The following ZNF804B variants were observed in gnomAD, a reference collection of about 807,000 sequenced individuals.
ZNF804B encodes zinc finger protein 804B.
Under a neutral mutation model 101.4 loss-of-function variants are expected in ZNF804B, and 80 were observed. The ratio of observed to expected loss-of-function variants is 0.79; its 90% confidence interval spans 0.66 to 0.95. The LOEUF (loss-of-function observed/expected upper bound fraction) is 0.95, where lower values mean the gene tolerates loss of function less well. Ranked by LOEUF, ZNF804B falls within the 40% of genes least tolerant of loss-of-function variation. ZNF804B has a pLI of 0.00. For missense variants in ZNF804B, 1,673 were observed against 1,561.9 expected, an observed-to-expected ratio of 1.07 and a Z score of -1.20; for synonymous variants, 622 against 558.8, an observed-to-expected ratio of 1.11 and a Z score of -1.59.
At chr7:88,965,200 G>C (rs1562845574) in intron 1 of ZNF804B, among the ~76,000 whole-genome samples, 2 of 151,344 alleles carry the variant, frequency 1.3e-5, no homozygotes, top group Non-Finnish European at 1.5e-5. Flanking sequence ...CCTTGACTTA[G>C]TACCTTCTTT....
Position 88,817,944 on chromosome 7 carries a change from A to G in ZNF804B, c.108+57860A>G, listed in dbSNP as rs147858602. ...GTGGGGAGTTGCTATTGTAACCTAT[A>G]ATCTGCAGCCCAGCATTCCTTTTTT... On this transcript the variant is annotated intron_variant, in intron 1 of 3. Transcript: ENST00000333190. Among the ~76,000 whole-genome samples the G allele has an allele frequency of 5.6e-3, 859 of 152,236 alleles. 5 individuals are homozygous for G. Among genetic ancestry groups the G allele is most frequent in the African/African-American group, 0.02 (821 of 41,530 alleles).
chr7:88,795,023 G>A, intron 1 of ZNF804B: 1 of 1,172,484 alleles, frequency 8.5e-7, no homozygotes, highest in Non-Finnish European at 1.2e-6. Context: ...CCTCTTTACT[G>A]ATGAACTCGT....
At chr7:88,809,504 T>A (rs1470662501) in intron 1 of ZNF804B, among the ~76,000 whole-genome samples, 1 of 152,188 alleles carries the variant, frequency 6.6e-6, no homozygotes, top group Admixed American at 6.5e-5. Context: ...GAAGGATTTT[T>A]AAAAATTGGG....
At chr7:89,016,603 C>T (rs1027880126) in intron 1 of ZNF804B, among the ~76,000 whole-genome samples, 2 of 149,570 alleles carry the variant, frequency 1.3e-5, no homozygotes, top group African/African-American at 2.5e-5. Flanking sequence ...GAATCCTTTC[C>T]CCATTGCTTG....
intron 2 of ZNF804B, among the ~76,000 whole-genome samples, chr7:89,270,905 T>C (rs1170917494): frequency 6.6e-6 from 1 of 152,124 alleles, no homozygotes; most frequent in Non-Finnish European, 1.5e-5. Context: ...GTGAATTTTG[T>C]ACATTGATTT....
At chr7:88,901,769 C>T (rs1418866010) in intron 1 of ZNF804B, among the ~76,000 whole-genome samples, 3 of 151,790 alleles carry the variant, frequency 2.0e-5, no homozygotes, top group Non-Finnish European at 4.4e-5. Context: ...CATAGTTAAG[C>T]TGAAAAGATT....
chr7:88,790,147 C>T (rs1239667455), intron 1 of ZNF804B, among the ~76,000 whole-genome samples: 5 of 151,872 alleles, frequency 3.3e-5, no homozygotes, highest in Admixed American at 2.0e-4. Context: ...TATATATGTT[C>T]GCTGTTATAT....
At chr7:88,794,445 G>A (rs779350706) in intron 1 of ZNF804B, 1 of 1,613,560 alleles carries the variant, frequency 6.2e-7, no homozygotes, top group Non-Finnish European at 8.5e-7. Flanking sequence ...CCTCCTTTAG[G>A]GACTGTGACT....
At chr7:89,277,486 TCCCCCCTCCCCCCTACCCCCA>T (rs1562934701) in intron 2 of ZNF804B, among the ~76,000 whole-genome samples, 1 of 4,554 alleles carries the variant, frequency 2.2e-4, no homozygotes, top group African/African-American at 9.1e-4. Context: ...CCCTCCCCCC[TCCCCCCTCCCCCCTACCCCCA>T]CCCCACAACA....
chr7:89,160,676 AAAT>A, intron 1 of ZNF804B, among the ~76,000 whole-genome samples: 1 of 152,298 alleles, frequency 6.6e-6, no homozygotes, highest in East Asian at 1.9e-4. Flanking sequence ...CATAGGTTTA[AAAT>A]AATAACCATT....
At chr7:89,011,174 T>A (rs902552745) in intron 1 of ZNF804B, among the ~76,000 whole-genome samples, 13 of 152,116 alleles carry the variant, frequency 8.5e-5, no homozygotes, top group African/African-American at 3.1e-4. Flanking sequence ...CAGACACTTA[T>A]AGAACTATCA....
intron 2 of ZNF804B, among the ~76,000 whole-genome samples, chr7:89,219,418 G>GA (rs1788946752): frequency 6.6e-6 from 1 of 150,736 alleles, no homozygotes; most frequent in Admixed American, 6.6e-5. Flanking sequence ...ATCCAAAAGG[G>GA]AAAAGCCTAG....
intron 1 of ZNF804B, among the ~76,000 whole-genome samples, chr7:88,877,158 C>T (rs1791967216): frequency 1.4e-5 from 2 of 142,730 alleles, no homozygotes; most frequent in African/African-American, 2.6e-5. Flanking sequence ...CTCCCAGGTT[C>T]AAGTGATTCT....
chr7:88,946,375 G>A (rs145074831), intron 1 of ZNF804B, among the ~76,000 whole-genome samples: 1 of 151,764 alleles, frequency 6.6e-6, no homozygotes, highest in Non-Finnish European at 1.5e-5. Flanking sequence ...CATTGGTTCT[G>A]TTTATGTGAT....
intron 1 of ZNF804B, among the ~76,000 whole-genome samples, chr7:89,144,937 C>T (rs1192379773): frequency 6.6e-6 from 1 of 151,770 alleles, no homozygotes; most frequent in Non-Finnish European, 1.5e-5. Flanking sequence ...GAAACTCCAT[C>T]TCTATAGAAA....
intron 1 of ZNF804B, among the ~76,000 whole-genome samples, chr7:89,085,086 T>C (rs1363675235): frequency 6.6e-6 from 1 of 151,954 alleles, no homozygotes; most frequent in Admixed American, 6.6e-5. Flanking sequence ...TAGGTTAATC[T>C]TTCCAAATCA....
chr7:88,951,447 TACACACACATGCGCGTGCGCACGCGC>T (rs1793219046), intron 1 of ZNF804B, among the ~76,000 whole-genome samples: 1 of 151,826 alleles, frequency 6.6e-6, no homozygotes, highest in South Asian at 2.1e-4. Context: ...TTTGTGTACA[TACACACACATGCGCGTGCGCACGCGC>T]ACGCACATAT....
chr7:88,791,727 T>C (rs1321194265), intron 1 of ZNF804B, among the ~76,000 whole-genome samples: 2 of 152,118 alleles, frequency 1.3e-5, no homozygotes, highest in Admixed American at 1.3e-4. Flanking sequence ...AATTAATGAA[T>C]AATAAGTGAT....
At chr7:88,821,896 C>A (rs1790987440) in intron 1 of ZNF804B, among the ~76,000 whole-genome samples, 1 of 152,066 alleles carries the variant, frequency 6.6e-6, no homozygotes, top group African/African-American at 2.4e-5. Flanking sequence ...CACTTTTTTA[C>A]TTCATATAGA....
Sources: allele counts gnomAD v4.1 joint callset (sites outside exome capture counted in the v4.1 genomes callset), GRCh38; gene constraint gnomAD v4.1.1; transcripts MANE v1.5; gene names NCBI Gene and HGNC (gene_info 2026-07-23, HGNC 2026-07-21).